The following CCDC7 variants were observed in gnomAD, a reference collection of about 807,000 sequenced individuals.
The protein encoded by CCDC7 is coiled-coil domain-containing protein 7.
In CCDC7, 183 loss-of-function variants were observed where a neutral mutation model predicts 196.9. The observed-to-expected ratio is 0.93, with a 90% CI of 0.82 to 1.05. CCDC7 has a LOEUF of 1.05. Among genes scored for constraint, CCDC7 ranks in the 50% least tolerant of loss-of-function variants. CCDC7 has a pLI of 0.00. For synonymous variants in CCDC7, 525 were observed against 484.6 expected, an observed-to-expected ratio of 1.08 and a Z score of -1.10; for missense variants, 1,540 against 1,482.2, an observed-to-expected ratio of 1.04 and a Z score of -0.64.
At chr10:32,660,815 A>C (rs113385588) in intron 20 of CCDC7, among the ~76,000 whole-genome samples, 5,633 of 148,648 alleles carry the variant, frequency 0.038, 153 homozygotes, top group African/African-American at 0.13. Flanking sequence ...ACCTTATACA[A>C]AAATCAATTC....
At chr10:32,655,628 G>A (rs931134577) in intron 20 of CCDC7, among the ~76,000 whole-genome samples, 5 of 152,158 alleles carry the variant, frequency 3.3e-5, no homozygotes, top group Non-Finnish European at 4.4e-5. Flanking sequence ...CTGGGTTCAA[G>A]TGATTCTCCT....
At chr10:32,797,711 T>G (rs2083903991) in intron 29 of CCDC7, among the ~76,000 whole-genome samples, 1 of 150,430 alleles carries the variant, frequency 6.6e-6, no homozygotes, top group South Asian at 2.1e-4. Context: ...GGGAAAAAAT[T>G]TGCTAGTGGG....
rs369237797 is a variant in CCDC7, at chr10:32,452,489, G to A, written c.279+568G>A. Among the ~76,000 whole-genome samples the A allele has an allele frequency of 8.9e-4, 135 of 152,288 alleles. No homozygotes were observed. In the Middle Eastern group the frequency reaches 0.01, roughly 12 times the overall value. ...TTTTCGTTTCTTGAGATGAAGTCTC[G>A]CTCTTTCGCCCAGGCTGGAGTGCCG... On this transcript the variant is annotated intron_variant, in intron 1 of 41. Transcript: ENST00000639629.
At chr10:32,639,753 C>T (rs144935944) in intron 20 of CCDC7, among the ~76,000 whole-genome samples, 6,114 of 151,904 alleles carry the variant, frequency 0.04, 132 homozygotes, top group Middle Eastern at 0.051. Flanking sequence ...TCAGCCTCTC[C>T]GAGTAGCTGG....
intron 29 of CCDC7, among the ~76,000 whole-genome samples, chr10:32,786,591 T>C (rs1417812401): frequency 1.3e-5 from 2 of 152,136 alleles, no homozygotes; most frequent in African/African-American, 4.8e-5. Context: ...CGAAACTTCA[T>C]CTCTACTAAA....
intron 9 of CCDC7, among the ~76,000 whole-genome samples, chr10:32,502,389 C>T (rs1345917720): frequency 6.6e-6 from 1 of 152,170 alleles, no homozygotes; most frequent in Non-Finnish European, 1.5e-5. Context: ...TGGGCTGCAT[C>T]CACTGTCCAA....
intron 3 of CCDC7, among the ~76,000 whole-genome samples, chr10:32,461,653 C>T (rs1209037949): frequency 6.9e-6 from 1 of 144,844 alleles, no homozygotes; most frequent in Non-Finnish European, 1.5e-5. Context: ...AAATATAATG[C>T]TCCTCTGAAA....
At chr10:32,603,211 C>T (rs992528300) in intron 18 of CCDC7, among the ~76,000 whole-genome samples, 2 of 150,878 alleles carry the variant, frequency 1.3e-5, no homozygotes, top group Non-Finnish European at 3.0e-5. Flanking sequence ...CAATATTCAT[C>T]TTTCTATGCC....
At chr10:32,688,396 A>T (rs1457762885) in intron 22 of CCDC7, among the ~76,000 whole-genome samples, 1 of 152,178 alleles carries the variant, frequency 6.6e-6, no homozygotes, top group African/African-American at 2.4e-5. Flanking sequence ...GTTTGCAGTG[A>T]CTTGGTAACA....
intron 28 of CCDC7, among the ~76,000 whole-genome samples, chr10:32,778,046 T>G (rs2080398303): frequency 6.6e-6 from 1 of 152,216 alleles, no homozygotes; most frequent in African/African-American, 2.4e-5. Context: ...GAGTTATTTG[T>G]TTTTTGCTTG....
chr10:32,730,750 C>G (rs2083828231), intron 28 of CCDC7, among the ~76,000 whole-genome samples: 1 of 151,914 alleles, frequency 6.6e-6, no homozygotes, highest in Non-Finnish European at 1.5e-5. Flanking sequence ...TTCTCTAGTG[C>G]TTTTAAGAGC....
chr10:32,606,649 C>T (rs1404444686), intron 18 of CCDC7, among the ~76,000 whole-genome samples: 1 of 152,160 alleles, frequency 6.6e-6, no homozygotes, highest in African/African-American at 2.4e-5. Context: ...TAATAACTGC[C>T]CTGATGGGTT....
chr10:32,633,266 A>G (rs993686882), intron 18 of CCDC7, among the ~76,000 whole-genome samples: 1 of 152,140 alleles, frequency 6.6e-6, no homozygotes, highest in Admixed American at 6.5e-5. Context: ...TATGTACACA[A>G]ACATGCATAT....
At chr10:32,707,631 T>C (rs1017461146) in intron 24 of CCDC7, among the ~76,000 whole-genome samples, 7 of 152,146 alleles carry the variant, frequency 4.6e-5, no homozygotes, top group African/African-American at 9.7e-5. Context: ...AGTCTCAGGA[T>C]ACAAAATCAA....
intron 41 of CCDC7, among the ~76,000 whole-genome samples, chr10:32,864,080 C>T (rs1439108798): frequency 2.7e-5 from 4 of 150,320 alleles, no homozygotes; most frequent in Non-Finnish European, 5.9e-5. Context: ...AGCACAAAAA[C>T]AAATAACTTG....
chr10:32,444,770 A>AT (rs77236670), upstream of CCDC7, among the ~76,000 whole-genome samples: 20,306 of 152,052 alleles, frequency 0.13, 1,604 homozygotes, highest in African/African-American at 0.22. Context: ...AATAAATCTG[A>AT]TCATTTATAT....
chr10:32,528,718 A>C (rs939891026), intron 11 of CCDC7, among the ~76,000 whole-genome samples: 2 of 144,080 alleles, frequency 1.4e-5, no homozygotes, highest in African/African-American at 5.2e-5. Context: ...ATATATACAT[A>C]TATACGTATT....
intron 28 of CCDC7, among the ~76,000 whole-genome samples, chr10:32,756,467 A>G (rs1196006118): frequency 6.6e-6 from 1 of 152,210 alleles, no homozygotes; most frequent in Non-Finnish European, 1.5e-5. Context: ...ATTCTTAAAG[A>G]ATTTTCAACC....
At chr10:32,648,407 A>T (rs2068140512) in intron 20 of CCDC7, among the ~76,000 whole-genome samples, 1 of 152,174 alleles carries the variant, frequency 6.6e-6, no homozygotes, top group Admixed American at 6.5e-5. Flanking sequence ...GAATCTGTAA[A>T]TTACTTTGGG....
Sources: gnomAD v4.1 joint callset for allele counts (sites outside exome capture counted in the v4.1 genomes callset) on GRCh38, gnomAD v4.1.1 for gene constraint, MANE v1.5 for transcripts, NCBI Gene and HGNC (gene_info 2026-07-23, HGNC 2026-07-21) for gene names.